Variants in SLFN14 observed in about 807,000 individuals in gnomAD.
SLFN14 encodes the protein protein SLFN14.
SLFN14 carries 47 observed loss-of-function variants against 58.6 expected under a neutral mutation model. That is an observed-to-expected ratio of 0.80 (90% CI 0.64 to 1.02). The LOEUF (loss-of-function observed/expected upper bound fraction) is 1.02, where lower values mean the gene tolerates loss of function less well. Ranked by LOEUF, SLFN14 falls within the 50% of genes least tolerant of loss-of-function variation. SLFN14 has a pLI of 0.00. For missense variants in SLFN14, 967 were observed against 1,078.4 expected, an observed-to-expected ratio of 0.90 and a Z score of 1.45; for synonymous variants, 390 against 387.3, an observed-to-expected ratio of 1.01 and a Z score of -0.08.
chr17:35,553,390 G>A lies in SLFN14; in HGVS notation c.1244C>T (p.Ser415Leu). The A allele has an allele frequency of 6.4e-7, 1 of 1,551,484 alleles. No individual in the cohort carries two copies. The highest frequency in any genetic ancestry group is 8.7e-7 in the Non-Finnish European group (1 of 1,146,952). Residue 415 changes from serine (S) to leucine (L), a missense_variant, in exon 5 of 6, where the codon TCA becomes TTA. Coordinates refer to ENST00000674182, the MANE Select transcript of SLFN14 (RefSeq NM_001129820.2). ...KPESLCKKLF[S>L]DHKELEGLMK... ...TAAACCCTCCAGTTCTTTATGATCT[G>A]AGAACAGCTTCTTACAGAGGGATTC...
rs2072663539 is a variant in SLFN14 at position 35,557,446 on chromosome 17, T to C, written c.617A>G (p.Glu206Gly). 6.4e-7 allele frequency: 1 copy of C among 1,551,712 alleles called. No homozygotes were observed. Among genetic ancestry groups the C allele is most frequent in the Non-Finnish European group, 8.7e-7 (1 of 1,146,992 alleles). ...CCTTTTAAATTCAACATGTGTTGACTCAGTAAAGTTGAGTTTCTCCTTATA... is the reference window on the plus strand; with the variant it reads ...CCTTTTAAATTCAACATGTGTTGACCCAGTAAAGTTGAGTTTCTCCTTATA... ...LMYKEKLNFTESTHVEFKRFT... is the reference protein window; with the variant it reads ...LMYKEKLNFTGSTHVEFKRFT... The change falls in exon 3 of 6, where the codon GAG becomes GGG. Residue 206 changes from glutamate (E) to glycine (G), a missense_variant. By Grantham distance (98) the Glu-to-Gly change is moderately conservative. Coordinates refer to ENST00000674182, the MANE Select transcript of SLFN14 (RefSeq NM_001129820.2).
Position 35,557,940 on chromosome 17 carries a change from C to T in SLFN14, c.123G>A (p.Glu41=), listed in dbSNP as rs1057480319. 2.4e-5 allele frequency: 37 copies of T among 1,551,526 alleles called. No individual in the cohort carries two copies. The highest frequency in any genetic ancestry group is 1.7e-4 in the Middle Eastern group (1 of 6,014). The change falls in exon 3 of 6, where the codon GAG becomes GAA. Residue 41 remains glutamate, a synonymous_variant. Coordinates refer to ENST00000674182, the MANE Select transcript of SLFN14 (RefSeq NM_001129820.2). ...KMTNSCLKRS[E]NSRIIRAICA... ...ATATAGCCCGGATAATTCTAGAATT[C>T]TCAGATCTTTTCAAACAGCTGTTGG...
At chr17:35,554,554 A>C in intron 4 of SLFN14, 22 bp downstream of exon 4, 1 of 1,517,730 alleles carries the variant, frequency 6.6e-7, no homozygotes, top group Non-Finnish European at 8.8e-7. Flanking sequence ...TAGTCCCCTA[A>C]GTTGAAATCA....
At chr17:35,549,117 A>G (rs1485114949) in intron 5 of SLFN14, 44 bp from the exon 6 acceptor site, 1 of 1,423,856 alleles carries the variant, frequency 7.0e-7, no homozygotes, top group Non-Finnish European at 9.6e-7. Context: ...ATCAACAAAG[A>G]GAACACCAGC....
Position 35,544,883 on chromosome 17 carries a change from A to G in SLFN14, c.*3356T>C, listed in dbSNP as rs1393182036. 6.6e-6 allele frequency among the ~76,000 whole-genome samples: 1 copy of G among 152,116 alleles called. No individual in the cohort carries two copies. Among genetic ancestry groups the G allele is most frequent in the Non-Finnish European group, 1.5e-5 (1 of 68,004 alleles). On this transcript the variant is annotated 3_prime_UTR_variant, in exon 6 of 6. Coordinates refer to ENST00000674182, the MANE Select transcript of SLFN14 (RefSeq NM_001129820.2). ...CCATTTCCGAAGCTTCCATGATAATATTATATTACCCTTCTTTTTAAAAGT... is the reference window on the plus strand; with the variant it reads ...CCATTTCCGAAGCTTCCATGATAATGTTATATTACCCTTCTTTTTAAAAGT...
At chr17:35,553,523 T>C in intron 4 of SLFN14, 79 bp from the exon 5 acceptor site, 2 of 1,093,926 alleles carry the variant, frequency 1.8e-6, no homozygotes, top group South Asian at 1.7e-5. Context: ...CAGAAAAAAA[T>C]GATACCTGGT....
rs750304633 is a variant in SLFN14, at chr17:35,552,921, G to A, written c.1713C>T (p.Leu571=). 6.4e-7 allele frequency: 1 copy of A among 1,551,538 alleles called. No homozygotes were observed. Among genetic ancestry groups the A allele is most frequent in the South Asian group, 1.2e-5 (1 of 84,042 alleles). Residue 571 remains leucine, a synonymous_variant, in exon 5 of 6, where the codon CTC becomes CTT. Transcript: ENST00000674182. The part of the protein sequence containing the change: ...DQMGCEFFNL[L]IMEQSQLLSE... The stretch of plus-strand genomic sequence containing the variant: ...AAAGCAACTGGCTCTGCTCCATTAT[G>A]AGCAAGTTGAAAAATTCACAGCCCA...
In SLFN14 at chr17:35,547,009, G is replaced by C. The variant is rs568566912; in HGVS notation, c.*1230C>G. Among the ~76,000 whole-genome samples, 21 of 152,282 alleles carry C rather than the reference G, an allele frequency of 1.4e-4. No individual in the cohort carries two copies. The highest frequency in any genetic ancestry group is 4.3e-4 in the African/African-American group (18 of 41,562). ...CAGAGATGTGCAAAGGCCCCTTGTAGGAAGACTACTTTCCAGGCCAGCGGC... is the reference window on the plus strand; with the variant it reads ...CAGAGATGTGCAAAGGCCCCTTGTACGAAGACTACTTTCCAGGCCAGCGGC... On this transcript the variant is annotated 3_prime_UTR_variant, in exon 6 of 6. Transcript: ENST00000674182.
chr17:35,555,851 T>C (rs1402574858), intron 3 of SLFN14, among the ~76,000 whole-genome samples: 2 of 151,786 alleles, frequency 1.3e-5, no homozygotes, highest in African/African-American at 2.4e-5. Context: ...GGGGTCCTGC[T>C]CCCCCCAGCA....
At chr17:35,550,763 A>C (rs1353859016) in intron 5 of SLFN14, among the ~76,000 whole-genome samples, 4 of 152,244 alleles carry the variant, frequency 2.6e-5, no homozygotes, top group African/African-American at 9.6e-5. Context: ...GCTGAATTCT[A>C]TAATGACCAA....
chr17:35,557,433 A>G lies in SLFN14; in HGVS notation c.630T>C (p.Val210=), dbSNP rs2142211825. 1 of 1,551,638 alleles carries G rather than the reference A, an allele frequency of 6.4e-7. No individual in the cohort carries two copies. Among genetic ancestry groups the G allele is most frequent in the African/African-American group, 1.4e-5 (1 of 73,158 alleles). ...EKLNFTESTH[V]EFKRFTTKKV... Reference sequence around the variant, plus strand: ...TTTTGGTGGTGAACCTTTTAAATTCAACATGTGTTGACTCAGTAAAGTTGA... The same window carrying G: ...TTTTGGTGGTGAACCTTTTAAATTCGACATGTGTTGACTCAGTAAAGTTGA... The change falls in exon 3 of 6, where the codon GTT becomes GTC. Residue 210 remains valine, a synonymous_variant. Coordinates refer to ENST00000674182, the MANE Select transcript of SLFN14 (RefSeq NM_001129820.2).
At position 35,557,668 on chromosome 17, in the gene SLFN14, C is replaced by T. The variant is rs1163391239; in HGVS notation, c.395G>A (p.Arg132Gln). The T allele has an allele frequency of 5.2e-6, 8 of 1,551,650 alleles. No individual in the cohort carries two copies. Among genetic ancestry groups the T allele is most frequent in the South Asian group, 2.4e-5 (2 of 84,068 alleles). The change falls in exon 3 of 6, where the codon CGG becomes CAG. Residue 132 changes from arginine to glutamine, a missense_variant. Coordinates refer to ENST00000674182, the MANE Select transcript of SLFN14 (RefSeq NM_001129820.2). ...RICSLRSNLY[R>Q]RDVTSAINLS... Reference sequence around the variant, plus strand: ...GTTGATAGCAGAAGTCACATCTCTCCGATACAAATTGGAGCGCAAGCTGCA... The same window carrying T: ...GTTGATAGCAGAAGTCACATCTCTCTGATACAAATTGGAGCGCAAGCTGCA...
chr17:35,551,830 G>A (rs976965468), intron 5 of SLFN14, among the ~76,000 whole-genome samples: 4 of 152,204 alleles, frequency 2.6e-5, no homozygotes, highest in African/African-American at 4.8e-5. Context: ...CGAATACAAC[G>A]TAGAGCAGAG....
intron 4 of SLFN14, among the ~76,000 whole-genome samples, chr17:35,553,833 T>C (rs1426122233): frequency 6.6e-6 from 1 of 152,158 alleles, no homozygotes. Flanking sequence ...GAGACAGCGT[T>C]TCACCATGTT....
At chr17:35,556,777 G>GA (rs543211996) in intron 3 of SLFN14, among the ~76,000 whole-genome samples, 52 of 151,808 alleles carry the variant, frequency 3.4e-4, no homozygotes, top group Middle Eastern at 6.8e-3. Context: ...AGAGTCTAAA[G>GA]AAAAAAAAGT....
intron 5 of SLFN14, among the ~76,000 whole-genome samples, chr17:35,551,923 T>C (rs569401974): frequency 2.0e-5 from 3 of 152,272 alleles, no homozygotes; most frequent in African/African-American, 7.2e-5. Flanking sequence ...CTAGCAGCTA[T>C]AATATTGTTA....
chr17:35,548,426 G>A lies in SLFN14; in HGVS notation c.2552C>T (p.Pro851Leu), dbSNP rs375612069. ...GTGACTTCCCCAAACACCGGTGGCC[G>A]GGCTAAACACAACCTCTGATGGTCT... ...THRPSEVVFS[P>L]ATGVWGSHIV... is the part of the protein sequence containing the mutation. Residue 851 changes from proline (P) to leucine (L), a missense_variant, in exon 6 of 6, where the codon CCG becomes CTG. Pro to Leu is a moderately conservative substitution (Grantham distance 98, BLOSUM62 -3). Transcript: ENST00000674182. The A allele has an allele frequency of 1.1e-4, 167 of 1,551,648 alleles. No individual in the cohort carries two copies. The African/African-American group carries it at 1.1e-3, about 11-fold the overall frequency.
chr17:35,547,659 T>C lies in SLFN14; in HGVS notation c.*580A>G, dbSNP rs17550268. 0.19 allele frequency among the ~76,000 whole-genome samples: 28,302 copies of C among 152,204 alleles called. 2,916 individuals are homozygous for C. The highest frequency in any genetic ancestry group is 0.3 in the South Asian group (1,452 of 4,826). On this transcript the variant is annotated 3_prime_UTR_variant, in exon 6 of 6. Transcript: ENST00000674182. ...CAAAAAGGCAATCAAGTTCTGGACC[T>C]GGAAAGCTTGAGACCCATAGCCAGT...
Position 35,547,970 on chromosome 17 carries a change from G to A in SLFN14, c.*269C>T, listed in dbSNP as rs772940016. ...CTATTTGAGGAAAAATTCTCTGATG[G>A]ATGACAGCTGGATTGAGTGGGAAAG... On this transcript the variant is annotated 3_prime_UTR_variant, in exon 6 of 6. Coordinates refer to ENST00000674182, the MANE Select transcript of SLFN14 (RefSeq NM_001129820.2). Among the ~76,000 whole-genome samples the A allele has an allele frequency of 6.6e-6, 1 of 152,188 alleles. No homozygotes were observed. Among genetic ancestry groups the A allele is most frequent in the Non-Finnish European group, 1.5e-5 (1 of 68,030 alleles).
Sources: allele counts gnomAD v4.1 joint callset (sites outside exome capture counted in the v4.1 genomes callset), GRCh38; gene constraint gnomAD v4.1.1; transcripts MANE v1.5; gene names NCBI Gene and HGNC (gene_info 2026-07-23, HGNC 2026-07-21).